Variants in DNAH6 observed in about 807,000 individuals in gnomAD.
The protein encoded by DNAH6 is axonemal beta dynein heavy chain 6.
A neutral mutation model predicts 491.4 loss-of-function variants in DNAH6; 340 were observed. The ratio of observed to expected loss-of-function variants is 0.69; its 90% CI spans 0.63 to 0.76. DNAH6 has a LOEUF of 0.76. Among genes scored for constraint, DNAH6 ranks in the 30% least tolerant of loss-of-function variants. The pLI is 0.00. For synonymous variants in DNAH6, 1,603 were observed against 1,686.1 expected (o/e 0.95, Z 1.21); for missense variants, 4,443 against 4,972.2 (o/e 0.89, Z 3.20).
chr2:84,595,892 C>T (rs1309028153), intron 18 of DNAH6, 103 bp downstream of exon 18: 1 of 1,211,010 alleles, frequency 8.3e-7, no homozygotes, highest in Non-Finnish European at 1.1e-6. Context: ...AGTTAGTCAG[C>T]TTTGCAGACA....
the DNAH6 span, among the ~76,000 whole-genome samples, chr2:84,496,712 T>A: frequency 6.6e-6 from 1 of 152,210 alleles, no homozygotes; most frequent in South Asian, 2.1e-4. Flanking sequence ...TTTATTGTTA[T>A]AAGTTACATA....
chr2:84,661,009 A>T (rs1691447525), intron 37 of DNAH6, among the ~76,000 whole-genome samples: 1 of 152,156 alleles, frequency 6.6e-6, no homozygotes, highest in African/African-American at 2.4e-5. Flanking sequence ...TTGAATATAG[A>T]ATGTAAATTA....
chr2:84,569,543 C>T (rs1681567341), intron 11 of DNAH6, among the ~76,000 whole-genome samples: 1 of 152,134 alleles, frequency 6.6e-6, no homozygotes, highest in African/African-American at 2.4e-5. Context: ...AATAAACCCA[C>T]ATGTATTTCA....
chr2:84,761,876 G>A (rs1398259325), intron 63 of DNAH6, among the ~76,000 whole-genome samples: 2 of 152,156 alleles, frequency 1.3e-5, no homozygotes, highest in Admixed American at 1.3e-4. Flanking sequence ...GGGCTAAGGG[G>A]AGGGCTGCTG....
Position 84,758,988 on chromosome 2 carries a change from A to G in DNAH6, c.10513-3767A>G, listed in dbSNP as rs1014761221. Among the ~76,000 whole-genome samples the G allele has an allele frequency of 3.9e-5, 6 of 152,226 alleles. 1 individual carries two copies. Among genetic ancestry groups the G allele is most frequent in the Admixed American group, 3.3e-4 (5 of 15,280 alleles). ...GTAAAAGGCATACAGTTTGAAAAAG[A>G]TGAAGTCAAATTATTCCTGTTTATT... is the stretch of plus-strand genomic sequence containing the variant. On this transcript the variant is annotated intron_variant, in intron 63 of 76. Transcript: ENST00000389394.
chr2:84,793,984 G>A (rs1573829437), intron 68 of DNAH6, among the ~76,000 whole-genome samples: 1 of 152,178 alleles, frequency 6.6e-6, no homozygotes, highest in African/African-American at 2.4e-5. Flanking sequence ...CAGAGATATA[G>A]ATCAATGGAA....
At chr2:84,587,107 A>G (rs146091151) in intron 15 of DNAH6, among the ~76,000 whole-genome samples, 3,468 of 152,076 alleles carry the variant, frequency 0.023, 121 homozygotes, top group African/African-American at 0.078. Context: ...CCCTCCTCCC[A>G]TCCTCCACCC....
chr2:84,711,606 C>G (rs1697053106), intron 56 of DNAH6, among the ~76,000 whole-genome samples: 3 of 152,204 alleles, frequency 2.0e-5, no homozygotes, highest in Non-Finnish European at 1.5e-5. Flanking sequence ...CTCACTGCCC[C>G]ATCACAAGAT....
intron 63 of DNAH6, among the ~76,000 whole-genome samples, chr2:84,746,645 A>G (rs1673001147): frequency 1.3e-5 from 2 of 152,336 alleles, no homozygotes; most frequent in East Asian, 1.9e-4. Flanking sequence ...AGATGAAAGC[A>G]TATTTGGGAG....
chr2:84,818,849 G>A (rs146144131), intron 76 of DNAH6, among the ~76,000 whole-genome samples: 111 of 152,308 alleles, frequency 7.3e-4, no homozygotes, highest in African/African-American at 2.6e-3. Flanking sequence ...CAAGGCAAGC[G>A]GATCATTTGA....
chr2:84,810,760 G>C (rs1010472298), intron 72 of DNAH6, among the ~76,000 whole-genome samples: 2 of 152,232 alleles, frequency 1.3e-5, no homozygotes, highest in African/African-American at 4.8e-5. Flanking sequence ...GGATAGGACA[G>C]GTCCTAGGAG....
At chr2:84,461,285 G>C in the DNAH6 span, among the ~76,000 whole-genome samples, 1 of 152,210 alleles carries the variant, frequency 6.6e-6, no homozygotes, top group Non-Finnish European at 1.5e-5. Context: ...TTGGTCTGAT[G>C]ATAATTTCCA....
intron 41 of DNAH6, among the ~76,000 whole-genome samples, chr2:84,678,794 C>T (rs1457709315): frequency 6.6e-6 from 1 of 152,154 alleles, no homozygotes; most frequent in Non-Finnish European, 1.5e-5. Flanking sequence ...ATTTAAAACC[C>T]ACACTAGCTA....
intron 11 of DNAH6, among the ~76,000 whole-genome samples, chr2:84,558,725 C>T (rs1680333495): frequency 6.6e-6 from 1 of 152,168 alleles, no homozygotes; most frequent in Admixed American, 6.5e-5. Context: ...GTATTCTACA[C>T]ATAAAATTTT....
At chr2:84,734,146 C>CTTTTT (rs11314819) in intron 62 of DNAH6, among the ~76,000 whole-genome samples, 1 of 129,494 alleles carries the variant, frequency 7.7e-6, no homozygotes. Context: ...TAAAACTACA[C>CTTTTT]TTTTTTTTTT....
At chr2:84,641,464 T>C (rs571463884) in intron 32 of DNAH6, among the ~76,000 whole-genome samples, 1 of 152,220 alleles carries the variant, frequency 6.6e-6, no homozygotes, top group Admixed American at 6.5e-5. Flanking sequence ...GACAGACCAA[T>C]GTGTAGTCAT....
chr2:84,638,218 T>C (rs1406203805), intron 31 of DNAH6, among the ~76,000 whole-genome samples: 1 of 152,206 alleles, frequency 6.6e-6, no homozygotes, highest in Non-Finnish European at 1.5e-5. Flanking sequence ...CTCACTATGC[T>C]ACCCAGGCTG....
chr2:84,722,721 C>G lies in DNAH6; in HGVS notation c.9889C>G (p.Gln3297Glu), dbSNP rs1176471343. The change falls in exon 60 of 77, where the codon CAA becomes GAA. Residue 3297 changes from glutamine to glutamate, a missense_variant. Gln to Glu is a conservative substitution (Grantham distance 29). Around this residue, in one of 3 missense-constraint regions of DNAH6, gnomAD observed 1,463 missense variants for 1,656.6 expected, o/e 0.88. Transcript: ENST00000389394. ...TGAGAAGTATCGTCCAGTGGCCACT[C>G]AAGGCTCTGTAATGTACTTTGTCAT... ...AREKYRPVAT[Q>E]GSVMYFVIAS... is the part of the protein sequence containing the mutation. 1.9e-6 allele frequency: 3 copies of G among 1,548,376 alleles called. No homozygotes were observed. Among genetic ancestry groups the G allele is most frequent in the Non-Finnish European group, 2.6e-6 (3 of 1,145,748 alleles).
chr2:84,569,106 C>T (rs772651570), intron 11 of DNAH6, among the ~76,000 whole-genome samples: 4 of 151,980 alleles, frequency 2.6e-5, no homozygotes, highest in Non-Finnish European at 5.9e-5. Context: ...TTTATGACTG[C>T]AAAATATTGT....
Sources: gnomAD v4.1 joint callset for allele counts (sites outside exome capture counted in the v4.1 genomes callset) on GRCh38, gnomAD v4.1.1 for gene constraint, gnomAD v4.1.1 regional missense constraint, MANE v1.5 for transcripts, NCBI Gene and HGNC (gene_info 2026-07-23, HGNC 2026-07-21) for gene names.